PTPRN: variants seen among roughly 807,000 people sequenced by gnomAD.
PTPRN encodes receptor-type tyrosine-protein phosphatase-like N.
Under a neutral mutation model 108.5 loss-of-function variants are expected in PTPRN, and 70 were observed. The ratio of observed to expected loss-of-function variants is 0.65; its 90% CI spans 0.53 to 0.79. The LOEUF is 0.79. Among genes scored for constraint, PTPRN ranks in the 30% least tolerant of loss-of-function variants. The probability of loss-of-function intolerance (pLI) is 0.00; values close to 1 mark genes in which losing one functional copy is unlikely to be tolerated. For missense variants in PTPRN, 1,136 were observed against 1,295.5 expected, an observed-to-expected ratio of 0.88 and a Z score of 1.89; for synonymous variants, 496 against 524.6, an observed-to-expected ratio of 0.95 and a Z score of 0.75.
rs1347224743 is a variant in PTPRN, at chr2:219,291,595, G to C, written c.2676-72C>G. On this transcript the variant is annotated intron_variant, in intron 19 of 22. Transcript: ENST00000295718. ...GGAAAGGGAAGCTGAAACACATGACGTGGGCCTCTCTTTCTTCCTTTTCTC... is the reference window on the plus strand; with the variant it reads ...GGAAAGGGAAGCTGAAACACATGACCTGGGCCTCTCTTTCTTCCTTTTCTC... 4 of 1,447,186 alleles carry C rather than the reference G, an allele frequency of 2.8e-6. No homozygotes were observed. The Admixed American group carries it at 6.8e-5, about 25-fold the overall frequency. The allele number at this position is 1,447,186 out of a possible 1,614,324, so 89.6% of individuals were successfully genotyped here.
chr2:219,299,848 A>T, intron 9 of PTPRN, 62 bp from the exon 10 acceptor site: 1 of 1,556,082 alleles, frequency 6.4e-7, no homozygotes, highest in Non-Finnish European at 8.8e-7. Flanking sequence ...CTTTCTTAAA[A>T]CAGGCCACTC....
At position 219,302,419 on chromosome 2, in the gene PTPRN, C is replaced by A; in HGVS notation, c.712G>T (p.Ala238Ser). The change falls in exon 6 of 23, where the codon GCT becomes TCT. Residue 238 changes from alanine (A) to serine (S), a missense_variant. Ala to Ser is a moderately conservative substitution (Grantham distance 99, BLOSUM62 1). Coordinates refer to ENST00000295718, the MANE Select transcript of PTPRN (RefSeq NM_002846.4). Reference sequence around the variant, plus strand: ...CTGCTGAAGAGGGCAGGGGCTTCAGCCTTGGGCAGGGGGCCGACACTGACC... The same window carrying A: ...CTGCTGAAGAGGGCAGGGGCTTCAGACTTGGGCAGGGGGCCGACACTGACC... ...GMVSVGPLPK[A>S]EAPALFSRTA... The A allele has an allele frequency of 1.2e-6, 2 of 1,614,162 alleles. No homozygotes were observed. Among genetic ancestry groups the A allele is most frequent in the Non-Finnish European group, 1.7e-6 (2 of 1,180,000 alleles).
intron 9 of PTPRN, 81 bp from the exon 10 acceptor site, chr2:219,299,867 C>A: frequency 6.4e-7 from 1 of 1,559,120 alleles, no homozygotes; most frequent in Non-Finnish European, 8.7e-7. Flanking sequence ...TCCAGGGGTA[C>A]AGAGCAGCCT....
At chr2:219,294,151 G>A (rs1469733341) in intron 19 of PTPRN, 1 of 530,234 alleles carries the variant, frequency 1.9e-6, no homozygotes, top group African/African-American at 1.9e-5. Context: ...TATGCAACTG[G>A]AGTGAGAATA....
In PTPRN at chr2:219,307,440, T is replaced by A. The variant is rs781558154; in HGVS notation, c.280+4A>T. On this transcript the variant is annotated splice_donor_region_variant and intron_variant, in intron 3 of 22. Coordinates refer to ENST00000295718, the MANE Select transcript of PTPRN (RefSeq NM_002846.4). ...CTCTCTCCTCCAGTGCACCCAGACC[T>A]TACCTTGGGACATGAGTTGTCGGAG... 2.5e-6 allele frequency: 4 copies of A among 1,612,592 alleles called. No homozygotes were observed. In the Admixed American group the frequency reaches 6.7e-5, roughly 27 times the overall value.
rs1952025687 is a variant in PTPRN at position 219,290,367 on chromosome 2, T to G, written c.2869-70A>C. 3.6e-6 allele frequency: 3 copies of G among 828,818 alleles called. No homozygotes were observed. Among genetic ancestry groups the G allele is most frequent in the South Asian group, 1.4e-5 (1 of 73,058 alleles). The allele number at this position is 828,818 out of a possible 1,614,324, so 51.3% of individuals were successfully genotyped here. On this transcript the variant is annotated intron_variant, in intron 22 of 22. Transcript: ENST00000295718. The surrounding 1 kb of genome is among the most constrained non-coding windows in gnomAD (Gnocchi z 4.2). ...GTGCTCTGCCCTCAAGATGGGGGGC[T>G]TTTGGTGGGGGGAGGGCCCTGGGCA...
intron 1 of PTPRN, 126 bp downstream of exon 1, chr2:219,309,092 T>A: frequency 6.9e-7 from 1 of 1,458,676 alleles, no homozygotes; most frequent in Non-Finnish European, 9.2e-7. Context: ...TCATCTCGCA[T>A]GCCTCCCCCA....
At chr2:219,298,322 G>A (rs1952254324) in intron 12 of PTPRN, among the ~76,000 whole-genome samples, 1 of 152,220 alleles carries the variant, frequency 6.6e-6, no homozygotes, top group Non-Finnish European at 1.5e-5. Context: ...CCCCCACCAG[G>A]AGTGTTTGCA....
rs202221863 is a variant in PTPRN at position 219,300,981 on chromosome 2, C to T, written c.1127-4G>A. The T allele has an allele frequency of 3.7e-5, 59 of 1,614,004 alleles. No individual in the cohort carries two copies. Among genetic ancestry groups the T allele is most frequent in the African/African-American group, 5.3e-5 (4 of 74,994 alleles). On this transcript the variant is annotated splice_polypyrimidine_tract_variant and splice_region_variant and intron_variant, in intron 7 of 22. Coordinates refer to ENST00000295718, the MANE Select transcript of PTPRN (RefSeq NM_002846.4). Reference sequence around the variant, plus strand: ...GCTCCAACATTTACAACCCCTCCTGCGAGACAGGAAAAACAAGAGTCTGGA... The same window carrying T: ...GCTCCAACATTTACAACCCCTCCTGTGAGACAGGAAAAACAAGAGTCTGGA...
At chr2:219,291,783 C>T in intron 19 of PTPRN, 1 of 553,158 alleles carries the variant, frequency 1.8e-6, no homozygotes, top group East Asian at 3.1e-5. Context: ...CTTTGAGCCT[C>T]AGTTTTCTTA....
chr2:219,307,712 C>G, intron 2 of PTPRN, 80 bp downstream of exon 2: 1 of 1,551,318 alleles, frequency 6.4e-7, no homozygotes, highest in Non-Finnish European at 8.9e-7. Flanking sequence ...CTCTTCCTTT[C>G]TGGGCCTTCT....
intron 1 of PTPRN, 35 bp from the exon 2 acceptor site, chr2:219,307,877 C>G: frequency 6.2e-7 from 1 of 1,606,558 alleles, no homozygotes; most frequent in East Asian, 2.2e-5. Flanking sequence ...GCTCAGACAC[C>G]CACTCACAGA....
chr2:219,294,005 A>G (rs1952111373), intron 19 of PTPRN: 1 of 466,326 alleles, frequency 2.1e-6, no homozygotes, highest in Non-Finnish European at 4.4e-6. Context: ...CCCAGAATCC[A>G]GAGATCCTCC....
chr2:219,294,217 GGAA>G (rs1416476363), intron 19 of PTPRN: 1 of 471,730 alleles, frequency 2.1e-6, no homozygotes, highest in Non-Finnish European at 4.4e-6. Flanking sequence ...AGAGAAAGAG[GGAA>G]GAAGGGAGAG....
chr2:219,309,308 C>A lies in PTPRN; in HGVS notation c.25G>T (p.Gly9Cys), dbSNP rs1952568962. The change falls in exon 1 of 23, where the codon GGT becomes TGT. Residue 9 changes from glycine to cysteine, a missense_variant. Gly to Cys is a radical substitution (Grantham distance 159, BLOSUM62 -3). Coordinates refer to ENST00000295718, the MANE Select transcript of PTPRN (RefSeq NM_002846.4). ...CGGAGACCCCCGGATCCCCCGAGAC[C>A]CCCAGGCCGCCGCGGGCGCCGCATC... MRRPRRPG[G>C]LGGSGGLRLL... 1.3e-6 allele frequency: 2 copies of A among 1,493,006 alleles called. No individual in the cohort carries two copies. Among genetic ancestry groups the A allele is most frequent in the African/African-American group, 1.5e-5 (1 of 68,826 alleles). 92.5% of individuals were successfully genotyped at this position (1,493,006 alleles called of 1,614,324 possible). A position where few individuals can be genotyped will look rare whatever the true frequency, so the allele number is the denominator to read the frequency against.
rs1359795865 is a variant in PTPRN, at chr2:219,307,437, A to G, written c.280+7T>C. 6.2e-7 allele frequency: 1 copy of G among 1,612,002 alleles called. No homozygotes were observed. Among genetic ancestry groups the G allele is most frequent in the Non-Finnish European group, 8.5e-7 (1 of 1,178,574 alleles). On this transcript the variant is annotated splice_region_variant and intron_variant, in intron 3 of 22. Coordinates refer to ENST00000295718, the MANE Select transcript of PTPRN (RefSeq NM_002846.4). ...AATCTCTCTCCTCCAGTGCACCCAG[A>G]CCTTACCTTGGGACATGAGTTGTCG...
intron 4 of PTPRN, 119 bp from the exon 5 acceptor site, chr2:219,302,956 G>T: frequency 1.3e-5 from 11 of 876,660 alleles, no homozygotes; most frequent in Non-Finnish European, 1.8e-5. Flanking sequence ...GACCTCTTTA[G>T]AAACTGAGTG....
intron 8 of PTPRN, among the ~76,000 whole-genome samples, 199 bp downstream of exon 8, chr2:219,300,744 A>G (rs1952325796): frequency 6.6e-6 from 1 of 152,184 alleles, no homozygotes; most frequent in African/African-American, 2.4e-5. Context: ...TGAATTAAGA[A>G]TTCAGTTTTC....
Position 219,302,131 on chromosome 2 carries a change from T to A in PTPRN, c.994+6A>T. 6.4e-7 allele frequency: 1 copy of A among 1,566,958 alleles called. No individual in the cohort carries two copies. Among genetic ancestry groups the A allele is most frequent in the Non-Finnish European group, 8.7e-7 (1 of 1,154,190 alleles). ...ACAGGGAGGTGGATGCTGAGGACCT[T>A]GTTACCTGGCTGCACAGCTGGGGAA... On this transcript the variant is annotated splice_donor_region_variant and intron_variant, in intron 6 of 22. Transcript: ENST00000295718.
Sources: gnomAD v4.1 joint callset for allele counts (sites outside exome capture counted in the v4.1 genomes callset) on GRCh38, gnomAD v4.1.1 for gene constraint, Gnocchi (gnomAD v3.1) non-coding constraint, MANE v1.5 for transcripts, NCBI Gene and HGNC (gene_info 2026-07-23, HGNC 2026-07-21) for gene names.